TXNRD1: variants seen among roughly 807,000 people sequenced by gnomAD.
The protein encoded by TXNRD1 is thioredoxin reductase 1, cytoplasmic.
Under a neutral mutation model 80.3 loss-of-function variants are expected in TXNRD1, and 57 were observed. The ratio of observed to expected loss-of-function variants is 0.71; its 90% CI spans 0.57 to 0.89. The LOEUF is 0.89. Ranked by LOEUF, TXNRD1 falls within the 40% of genes least tolerant of loss-of-function variation. The probability of loss-of-function intolerance (pLI) is 0.00; values close to 1 mark genes in which losing one functional copy is unlikely to be tolerated. For synonymous variants in TXNRD1, 291 were observed against 285.2 expected, an observed-to-expected ratio of 1.02 and a Z score of -0.20; for missense variants, 730 against 803.0, an observed-to-expected ratio of 0.91 and a Z score of 1.10.
intron 16 of TXNRD1, among the ~76,000 whole-genome samples, chr12:104,344,485 A>G (rs1350166897): frequency 6.6e-6 from 1 of 152,132 alleles, no homozygotes; most frequent in Admixed American, 6.5e-5. Flanking sequence ...ATAATTGTAC[A>G]TATTTATGGG....
Position 104,331,618 on chromosome 12 carries a change from A to C in TXNRD1, c.1627A>C (p.Lys543Gln). The change falls in exon 14 of 17, where the codon AAG (lysine) becomes CAG (glutamine). Residue 543 changes from lysine (K) to glutamine (Q), a missense_variant. Lys to Gln is a moderately conservative substitution (Grantham distance 53, BLOSUM62 1). Coordinates refer to ENST00000525566, the MANE Select transcript of TXNRD1 (RefSeq NM_001093771.3). ...CCTTTCTGAGGAGAAAGCTGTGGAG[A>C]AGTTTGGGGAAGAAAATATTGAGGT... ...CGLSEEKAVEKFGEENIEVYH... is the reference protein window; with the variant it reads ...CGLSEEKAVEQFGEENIEVYH... The C allele has an allele frequency of 6.2e-7, 1 of 1,611,742 alleles. No homozygotes were observed. The highest frequency in any genetic ancestry group is 8.5e-7 in the Non-Finnish European group (1 of 1,178,534).
intron 1 of TXNRD1, among the ~76,000 whole-genome samples, chr12:104,236,900 C>A (rs2032750498): frequency 6.7e-6 from 1 of 148,270 alleles, no homozygotes; most frequent in Non-Finnish European, 1.5e-5. Context: ...AGGCTCTTTT[C>A]TTCTCAGTTG....
intron 13 of TXNRD1, among the ~76,000 whole-genome samples, chr12:104,330,492 T>C (rs2035911636): frequency 6.6e-6 from 1 of 152,134 alleles, no homozygotes; most frequent in African/African-American, 2.4e-5. Flanking sequence ...GAGTTAACCT[T>C]TTTTTCCCCA....
intron 14 of TXNRD1, among the ~76,000 whole-genome samples, chr12:104,332,717 C>G (rs1232939971): frequency 1.5e-5 from 2 of 137,596 alleles, no homozygotes; most frequent in Non-Finnish European, 1.5e-5. Flanking sequence ...CCATTGCACT[C>G]CAGCCTGGGC....
intron 4 of TXNRD1, among the ~76,000 whole-genome samples, 178 bp from the exon 5 acceptor site, chr12:104,311,112 G>A (rs1005519081): frequency 8.5e-5 from 13 of 152,292 alleles, no homozygotes; most frequent in African/African-American, 2.9e-4. Context: ...CTAAGATAAA[G>A]CAAGCAGTTC....
chr12:104,328,282 A>G (rs559590859), intron 13 of TXNRD1, among the ~76,000 whole-genome samples: 78 of 152,218 alleles, frequency 5.1e-4, no homozygotes, highest in South Asian at 1.2e-3. Flanking sequence ...CTTTATATCC[A>G]TATACTCTAA....
At chr12:104,251,390 G>T in intron 1 of TXNRD1, 137 bp from the exon 2 acceptor site, 1 of 815,882 alleles carries the variant, frequency 1.2e-6, no homozygotes, top group Non-Finnish European at 2.0e-6. Flanking sequence ...CTTCATTAGA[G>T]TCCTTCCTTC....
intron 1 of TXNRD1, among the ~76,000 whole-genome samples, chr12:104,236,403 T>G (rs951352947): frequency 1.3e-5 from 2 of 152,178 alleles, no homozygotes; most frequent in African/African-American, 4.8e-5. Flanking sequence ...GAGGTTACTG[T>G]TTGTAAAGTT....
intron 3 of TXNRD1, among the ~76,000 whole-genome samples, chr12:104,269,856 C>T (rs542663055): frequency 2.6e-5 from 4 of 151,768 alleles, no homozygotes; most frequent in African/African-American, 9.7e-5. Flanking sequence ...GGTGTGAGCC[C>T]CCGCGCCCAG....
Position 104,348,741 on chromosome 12 carries a change from C to T in TXNRD1, c.*320C>T, listed in dbSNP as rs1379138467. 2 of 287,498 alleles carry T rather than the reference C, an allele frequency of 7.0e-6. No individual in the cohort carries two copies. The highest frequency in any genetic ancestry group is 2.2e-5 in the African/African-American group (1 of 45,978). 17.8% of individuals were successfully genotyped at this position (287,498 alleles called of 1,614,324 possible). On this transcript the variant is annotated 3_prime_UTR_variant, in exon 17 of 17. Coordinates refer to ENST00000525566, the MANE Select transcript of TXNRD1 (RefSeq NM_001093771.3). ...TCAAATCAGTTTTAGCATGACCTTT[C>T]CTTGTGGATTTTCTTATTCTCGTTG...
At chr12:104,287,149 C>A in intron 3 of TXNRD1, 1 of 1,543,150 alleles carries the variant, frequency 6.5e-7, no homozygotes, top group Non-Finnish European at 8.7e-7. Flanking sequence ...AAGCCGCGAG[C>A]CCAGGGATGG....
chr12:104,286,611 A>T, intron 3 of TXNRD1: 7 of 513,852 alleles, frequency 1.4e-5, no homozygotes, highest in Non-Finnish European at 1.7e-5. Context: ...TTAAACGCAG[A>T]GGCCCAGGTC....
intron 15 of TXNRD1, among the ~76,000 whole-genome samples, chr12:104,335,401 T>C (rs943770705): frequency 2.6e-5 from 4 of 152,214 alleles, no homozygotes; most frequent in African/African-American, 9.6e-5. Flanking sequence ...GGTTTCACCA[T>C]GTTGGCCAGG....
At chr12:104,341,113 A>G (rs532234312) in intron 16 of TXNRD1, among the ~76,000 whole-genome samples, 1 of 152,276 alleles carries the variant, frequency 6.6e-6, no homozygotes, top group Non-Finnish European at 1.5e-5. Context: ...AGAAGGATGC[A>G]GTGAGGACAC....
At chr12:104,259,632 C>T (rs1250634312) in intron 3 of TXNRD1, among the ~76,000 whole-genome samples, 1 of 151,650 alleles carries the variant, frequency 6.6e-6, no homozygotes, top group Non-Finnish European at 1.5e-5. Flanking sequence ...GCTGAGATTA[C>T]AGGCATGCAC....
chr12:104,335,953 A>G (rs959975581), intron 15 of TXNRD1, among the ~76,000 whole-genome samples: 8 of 152,238 alleles, frequency 5.3e-5, no homozygotes, highest in Non-Finnish European at 8.8e-5. Flanking sequence ...TACTAGGATA[A>G]CCCATAATGA....
chr12:104,318,499 A>T (rs1359615902), intron 7 of TXNRD1, among the ~76,000 whole-genome samples: 1 of 152,260 alleles, frequency 6.6e-6, no homozygotes, highest in Non-Finnish European at 1.5e-5. Context: ...GGATTGGCCC[A>T]TGGTGCAGTT....
At chr12:104,301,894 A>G (rs1340151262) in intron 4 of TXNRD1, among the ~76,000 whole-genome samples, 1 of 152,220 alleles carries the variant, frequency 6.6e-6, no homozygotes, top group East Asian at 1.9e-4. Flanking sequence ...AAGAGCAGTC[A>G]ACTTTTCCTT....
Position 104,283,967 on chromosome 12 carries a change from C to T in TXNRD1, c.305-4964C>T, listed in dbSNP as rs573317119. Reference sequence around the variant, plus strand: ...CTCTGGCTACTCCTGACTTCACTACCTACCACTTTTTTTCTCATCAGGAAA... The same window carrying T: ...CTCTGGCTACTCCTGACTTCACTACTTACCACTTTTTTTCTCATCAGGAAA... On this transcript the variant is annotated intron_variant, in intron 3 of 16. Coordinates refer to ENST00000525566, the MANE Select transcript of TXNRD1 (RefSeq NM_001093771.3). 7.2e-5 allele frequency among the ~76,000 whole-genome samples: 11 copies of T among 152,296 alleles called. No individual in the cohort carries two copies. In the South Asian group the frequency reaches 1.9e-3, roughly 26 times the overall value.
Sources: allele counts gnomAD v4.1 joint callset (sites outside exome capture counted in the v4.1 genomes callset), GRCh38; gene constraint gnomAD v4.1.1; transcripts MANE v1.5; gene names NCBI Gene and HGNC (gene_info 2026-07-23, HGNC 2026-07-21).